Variants in ACSS1 observed in about 807,000 individuals in gnomAD.
The protein encoded by ACSS1 is acyl-CoA synthetase short chain family member 1, also known as acetyl-coenzyme A synthetase 2-like, mitochondrial.
Under a neutral mutation model 75.3 loss-of-function variants are expected in ACSS1, and 42 were observed. That is an observed-to-expected ratio of 0.56 (90% CI 0.44 to 0.72). The LOEUF (loss-of-function observed/expected upper bound fraction) is 0.72. Ranked by LOEUF, ACSS1 falls within the 30% of genes least tolerant of loss-of-function variation. The pLI is 0.00. For missense variants in ACSS1, 782 were observed against 935.7 expected, an observed-to-expected ratio of 0.84 and a Z score of 2.14; for synonymous variants, 380 against 376.8, an observed-to-expected ratio of 1.01 and a Z score of -0.10.
chr20:25,031,822 T>G (rs1287256355), intron 2 of ACSS1, among the ~76,000 whole-genome samples: 3 of 152,158 alleles, frequency 2.0e-5, no homozygotes, highest in Non-Finnish European at 4.4e-5. Flanking sequence ...CGAAAATGTT[T>G]GCCTCCAAAA....
chr20:25,023,718 A>C, intron 3 of ACSS1, 77 bp from the exon 4 acceptor site: 2 of 1,379,980 alleles, frequency 1.4e-6, no homozygotes, highest in African/African-American at 1.4e-5. Context: ...CACATAGGAC[A>C]TCCAGGCCTA....
In ACSS1 at chr20:25,023,514, C is replaced by T. The variant is rs1357587943; in HGVS notation, c.759G>A (p.Arg253=). The T allele has an allele frequency of 6.2e-7, 1 of 1,614,192 alleles. No individual in the cohort carries two copies. The highest frequency in any genetic ancestry group is 1.7e-5 in the Admixed American group (1 of 60,026). Residue 253 remains arginine (R), a synonymous_variant, in exon 4 of 14, where the codon AGG becomes AGA. Transcript: ENST00000323482. Reference sequence around the variant, plus strand: ...CCCCCATGTGGACCTTGTTGTCTGTCCTGTGAGCCACCAGGACATGCTGCA... The same window carrying T: ...CCCCCATGTGGACCTTGTTGTCTGTTCTGTGAGCCACCAGGACATGCTGCA... ...PTVQHVLVAH[R]TDNKVHMGDL...
rs1226327964 is a variant in ACSS1, at chr20:25,019,998, C to T, written c.1246+12G>A. The T allele has an allele frequency of 1.2e-6, 2 of 1,613,960 alleles. No individual in the cohort carries two copies. The highest frequency in any genetic ancestry group is 2.7e-5 in the African/African-American group (2 of 74,940). On this transcript the variant is annotated intron_variant, in intron 7 of 13. Coordinates refer to ENST00000323482, the MANE Select transcript of ACSS1 (RefSeq NM_032501.4). Reference sequence around the variant, plus strand: ...AAGCACAACCTCTCCTGCTGCAGGGCAGGCCGCTCACCTGACCCCAGGGTC... The same window carrying T: ...AAGCACAACCTCTCCTGCTGCAGGGTAGGCCGCTCACCTGACCCCAGGGTC...
In ACSS1 at chr20:25,007,108, G is replaced by A. The variant is rs112045111; in HGVS notation, c.*654C>T. The A allele has an allele frequency of 3.4e-3, 4,832 of 1,404,378 alleles. 125 individuals carry two copies. The African/African-American group carries it at 0.057, about 17-fold the overall frequency. The allele number at this position is 1,404,378 out of a possible 1,614,324, so 87.0% of individuals were successfully genotyped here. A position where few individuals can be genotyped will look rare whatever the true frequency, so the allele number is the denominator to read the frequency against. The stretch of plus-strand genomic sequence containing the variant: ...GAAACACTCACCAGGAAAAGATGCC[G>A]GAGGCTTGGAAGTTCTCAAGGGAAC... On this transcript the variant is annotated 3_prime_UTR_variant, in exon 14 of 14. Transcript: ENST00000323482.
intron 2 of ACSS1, among the ~76,000 whole-genome samples, chr20:25,047,442 C>T (rs1180416971): frequency 6.6e-6 from 1 of 152,194 alleles, no homozygotes; most frequent in Admixed American, 6.5e-5. Flanking sequence ...CTGCCATGTG[C>T]TTGGGGATTG....
intron 7 of ACSS1, among the ~76,000 whole-genome samples, chr20:25,015,694 T>A (rs1341491739): frequency 6.6e-6 from 1 of 152,242 alleles, no homozygotes; most frequent in African/African-American, 2.4e-5. Flanking sequence ...ACCGTATTTA[T>A]GGTCATCAAA....
At chr20:25,022,813 C>G in intron 5 of ACSS1, 127 bp downstream of exon 5, 1 of 1,327,182 alleles carries the variant, frequency 7.5e-7, no homozygotes, top group Non-Finnish European at 9.9e-7. Context: ...GGCCCTGCCC[C>G]GAATAGGCCA....
intron 2 of ACSS1, among the ~76,000 whole-genome samples, chr20:25,044,234 C>T (rs911376293): frequency 2.6e-5 from 4 of 152,212 alleles, no homozygotes; most frequent in South Asian, 2.1e-4. Context: ...CCTGGGCCAC[C>T]GCTTTTCCGA....
Position 25,007,783 on chromosome 20 carries a change from G to A in ACSS1, c.2049C>T (p.Asp683=). The A allele has an allele frequency of 6.2e-7, 1 of 1,614,168 alleles. No individual in the cohort carries two copies. Among genetic ancestry groups the A allele is most frequent in the Non-Finnish European group, 8.5e-7 (1 of 1,180,014 alleles). ...EILSVYQKCK[D]KQAAAK ...CAGCTCACTTAGCAGCAGCCTGCTT[G>A]TCCTTGCACTTCTGGTAGACACTCA... is the stretch of plus-strand genomic sequence containing the variant. The change falls in exon 14 of 14, where the codon GAC becomes GAT. Residue 683 remains aspartate, a synonymous_variant. Coordinates refer to ENST00000323482, the MANE Select transcript of ACSS1 (RefSeq NM_032501.4).
At chr20:25,045,367 G>A (rs1048063317) in intron 2 of ACSS1, among the ~76,000 whole-genome samples, 3 of 152,166 alleles carry the variant, frequency 2.0e-5, no homozygotes, top group Non-Finnish European at 4.4e-5. Context: ...TAAAGGCCAT[G>A]GGCACCCGTC....
intron 6 of ACSS1, 72 bp from the exon 7 acceptor site, chr20:25,020,219 A>C: frequency 6.3e-7 from 1 of 1,597,154 alleles, no homozygotes; most frequent in Admixed American, 1.7e-5. Context: ...AGATCAGCCA[A>C]GACTTCCTGA....
At chr20:25,038,100 C>T (rs902780190) in intron 2 of ACSS1, among the ~76,000 whole-genome samples, 13 of 152,164 alleles carry the variant, frequency 8.5e-5, no homozygotes, top group African/African-American at 2.7e-4. Context: ...AGCGAGGGCC[C>T]CCAGGAGACA....
intron 2 of ACSS1, chr20:25,032,380 T>A (rs1326962813): frequency 1.3e-5 from 18 of 1,393,508 alleles, no homozygotes; most frequent in Non-Finnish European, 1.7e-5. Context: ...GGCCATGCGG[T>A]GCGAAGTGGA....
At position 25,022,901 on chromosome 20, in the gene ACSS1, C is replaced by T. The variant is rs201803744; in HGVS notation, c.960+39G>A. 318 of 1,560,446 alleles carry T rather than the reference C, an allele frequency of 2.0e-4. 2 individuals are homozygous for T. The African/African-American group carries it at 3.5e-3, about 17-fold the overall frequency. ...CTTCCAGCCCTGCCCCTGCCTGGAT[C>T]CCTGCCAAGGGCCCAGCACCGCCCG... On this transcript the variant is annotated intron_variant, in intron 5 of 13. Transcript: ENST00000323482.
Position 25,058,087 on chromosome 20 carries a change from G to T in ACSS1, c.16C>A (p.Leu6Met). The change falls in exon 1 of 14, where the codon CTG (leucine) becomes ATG (methionine). Residue 6 changes from leucine (L) to methionine (M), a missense_variant. This residue lies in a region of ACSS1 where 377 missense variants were observed against 383.1 expected (regional missense o/e 0.98). Transcript: ENST00000323482. ...AGCAGCCTCCCGACGCCGCGGCCCA[G>T]GGTGCGCGCCGCCATCTAGGCAGGC... MAART[L>M]GRGVGRLLGS... 8.0e-7 allele frequency: 1 copy of T among 1,254,966 alleles called. No individual in the cohort carries two copies. The highest frequency in any genetic ancestry group is 3.1e-5 in the South Asian group (1 of 32,720). The allele number at this position is 1,254,966 out of a possible 1,614,324, so 77.7% of individuals were successfully genotyped here.
intron 2 of ACSS1, among the ~76,000 whole-genome samples, chr20:25,044,624 A>C (rs192789842): frequency 6.6e-6 from 1 of 152,186 alleles, no homozygotes; most frequent in African/African-American, 2.4e-5. Context: ...AAAAATCAAT[A>C]ATTAAAAATA....
rs1417224139 is a variant in ACSS1 at position 25,006,972 on chromosome 20, GGA to G, written c.*788_*789del. 1.3e-6 allele frequency: 2 copies of G among 1,534,994 alleles called. No homozygotes were observed. Among genetic ancestry groups the G allele is most frequent in the Admixed American group, 3.9e-5 (2 of 50,952 alleles). On this transcript the variant is annotated 3_prime_UTR_variant, in exon 14 of 14. Transcript: ENST00000323482. ...CATCTGGGGGCACAAAAATCTTTCTGGATCACAGCTTGAAGAAACAGAACATA... is the reference window on the plus strand; with the variant it reads ...CATCTGGGGGCACAAAAATCTTTCTGTCACAGCTTGAAGAAACAGAACATA...
At chr20:25,031,315 A>G (rs561226692) in intron 2 of ACSS1, among the ~76,000 whole-genome samples, 1 of 152,170 alleles carries the variant, frequency 6.6e-6, no homozygotes, top group Non-Finnish European at 1.5e-5. Flanking sequence ...CTTGCCAGTC[A>G]TGACCCACAG....
At chr20:25,012,365 C>T (rs1268725919) in intron 12 of ACSS1, 2 of 577,514 alleles carry the variant, frequency 3.5e-6, no homozygotes, top group Non-Finnish European at 6.1e-6. Context: ...GTCATGGCCA[C>T]TGTGGATGTG....
Sources: gnomAD v4.1 joint callset for allele counts (sites outside exome capture counted in the v4.1 genomes callset) on GRCh38, gnomAD v4.1.1 for gene constraint, gnomAD v4.1.1 regional missense constraint, MANE v1.5 for transcripts, NCBI Gene and HGNC (gene_info 2026-07-23, HGNC 2026-07-21) for gene names.